DSCAM: variants seen among roughly 807,000 people sequenced by gnomAD.
The protein encoded by DSCAM is cell adhesion molecule DSCAM.
Under a neutral mutation model 217.7 loss-of-function variants are expected in DSCAM, and 47 were observed. The observed-to-expected ratio is 0.22, with a 90% CI of 0.17 to 0.28. The LOEUF is 0.28. DSCAM is among the 10% of genes least tolerant of loss of function. The pLI is 1.00. For missense variants in DSCAM, 2,080 were observed against 2,618.3 expected (o/e 0.79, Z 4.49); for synonymous variants, 1,056 against 1,015.3 (o/e 1.04, Z -0.76).
chr21:40,586,681 G>T (rs1306848201), intron 3 of DSCAM, among the ~76,000 whole-genome samples: 2 of 152,178 alleles, frequency 1.3e-5, no homozygotes, highest in Non-Finnish European at 2.9e-5. Context: ...TGACATTGCT[G>T]TATATATTTC....
At chr21:40,585,103 G>A (rs1241334261) in intron 3 of DSCAM, among the ~76,000 whole-genome samples, 3 of 151,850 alleles carry the variant, frequency 2.0e-5, no homozygotes, top group Non-Finnish European at 2.9e-5. Flanking sequence ...AGCTTCCTGA[G>A]GGCTCACCAG....
chr21:40,527,849 C>A (rs1013537369), intron 3 of DSCAM, among the ~76,000 whole-genome samples: 1 of 152,160 alleles, frequency 6.6e-6, no homozygotes, highest in African/African-American at 2.4e-5. Flanking sequence ...AATCCTGAGA[C>A]AGAAACCCTG....
intron 8 of DSCAM, among the ~76,000 whole-genome samples, chr21:40,325,597 GGAA>G (rs1426278747): frequency 6.6e-6 from 1 of 152,144 alleles, no homozygotes; most frequent in Non-Finnish European, 1.5e-5. Context: ...CAGCAAAGCA[GGAA>G]GAAGTAGCAG....
At chr21:40,358,702 A>C (rs138998594) in intron 4 of DSCAM, among the ~76,000 whole-genome samples, 1 of 151,714 alleles carries the variant, frequency 6.6e-6, no homozygotes, top group African/African-American at 2.4e-5. Flanking sequence ...AGCTACAGGC[A>C]GAGGCAGGAT....
At chr21:40,315,390 C>T (rs149078589) in intron 8 of DSCAM, among the ~76,000 whole-genome samples, 1,600 of 147,940 alleles carry the variant, frequency 0.011, 29 homozygotes, top group African/African-American at 0.038. Flanking sequence ...GGAGACAGAG[C>T]GAAACTCCGT....
At chr21:40,394,619 T>C (rs902663666) in intron 3 of DSCAM, among the ~76,000 whole-genome samples, 3 of 152,198 alleles carry the variant, frequency 2.0e-5, no homozygotes, top group Admixed American at 6.5e-5. Context: ...AAATGCAATA[T>C]TGAGCCACAC....
At chr21:40,174,891 G>A in intron 15 of DSCAM, among the ~76,000 whole-genome samples, 1 of 152,260 alleles carries the variant, frequency 6.6e-6, no homozygotes. Flanking sequence ...ATCAGGATGC[G>A]GGGAGGGCAC....
At chr21:40,631,042 C>T (rs1393162722) in intron 3 of DSCAM, among the ~76,000 whole-genome samples, 1 of 152,176 alleles carries the variant, frequency 6.6e-6, no homozygotes, top group Admixed American at 6.5e-5. Context: ...TCTCCCTGTG[C>T]TTTTCAGCAG....
intron 1 of DSCAM, among the ~76,000 whole-genome samples, chr21:40,743,477 T>C (rs1051518335): frequency 6.6e-6 from 1 of 152,146 alleles, no homozygotes; most frequent in Admixed American, 6.6e-5. Flanking sequence ...CTCCATAAAT[T>C]ATATTTTTCT....
At chr21:40,027,431 T>C (rs2088413726) in intron 32 of DSCAM, among the ~76,000 whole-genome samples, 1 of 151,284 alleles carries the variant, frequency 6.6e-6, no homozygotes, top group Non-Finnish European at 1.5e-5. Context: ...CCTGCCTTGC[T>C]AGATTGGGGA....
rs71186946 is a variant in DSCAM at position 40,585,419 on chromosome 21, C to CAAAAA, written c.508+107386_508+107390dup. Among the ~76,000 whole-genome samples the CAAAAA allele has an allele frequency of 8.6e-3, 745 of 86,594 alleles. 32 individuals are homozygous for CAAAAA. Among genetic ancestry groups the CAAAAA allele is most frequent in the African/African-American group, 0.029 (708 of 24,736 alleles). The allele number at this position is 86,594 out of a possible 152,430, so 56.8% of individuals were successfully genotyped here. ...TGGGCGACAGAGCAAGACTCCGTCT[C>CAAAAA]AAAAAAAAAAAAAAAAAAAAAAAAG... On this transcript the variant is annotated intron_variant, in intron 3 of 32. Coordinates refer to ENST00000400454, the MANE Select transcript of DSCAM (RefSeq NM_001389.5).
intron 3 of DSCAM, among the ~76,000 whole-genome samples, chr21:40,678,614 C>T (rs1365593358): frequency 6.6e-6 from 1 of 152,100 alleles, no homozygotes; most frequent in Non-Finnish European, 1.5e-5. Flanking sequence ...CAGTATCCAG[C>T]TCAAAAAGAC....
Position 40,347,661 on chromosome 21 carries a change from C to A in DSCAM, c.1210+9G>T, listed in dbSNP as rs1051079944. On this transcript the variant is annotated intron_variant, in intron 6 of 32. Transcript: ENST00000400454. ...TTTTCAGCCATACCCTGAAACGAGG[C>A]CCACTGACCTTCAAGGACCACCTGC... 8.7e-6 allele frequency: 14 copies of A among 1,612,888 alleles called. No homozygotes were observed. The highest frequency in any genetic ancestry group is 1.2e-5 in the Non-Finnish European group (14 of 1,179,694).
At position 40,411,171 on chromosome 21, in the gene DSCAM, TATATAC is replaced by T. The variant is rs1239502377; in HGVS notation, c.509-41932_509-41927del. On this transcript the variant is annotated intron_variant, in intron 3 of 32. Coordinates refer to ENST00000400454, the MANE Select transcript of DSCAM (RefSeq NM_001389.5). ...ATATTACTTGAAGATAGACAGTAAT[TATATAC>T]ACACACACACACACACACACACACA... 3.9e-4 allele frequency among the ~76,000 whole-genome samples: 13 copies of T among 33,402 alleles called. 1 individual carries two copies. The highest frequency in any genetic ancestry group is 9.7e-4 in the South Asian group (1 of 1,032). 21.9% of individuals were successfully genotyped at this position (33,402 alleles called of 152,430 possible).
At chr21:40,337,957 C>T (rs2074445187) in intron 8 of DSCAM, 144 bp downstream of exon 8, 5 of 1,057,502 alleles carry the variant, frequency 4.7e-6, no homozygotes, top group South Asian at 1.6e-5. Context: ...AAGAGGACAT[C>T]TCATGTTCCC....
intron 3 of DSCAM, among the ~76,000 whole-genome samples, chr21:40,450,187 T>C (rs2075707254): frequency 6.6e-6 from 1 of 152,164 alleles, no homozygotes; most frequent in South Asian, 2.1e-4. Flanking sequence ...AATAGCACCT[T>C]TATAAACCAA....
At chr21:40,376,510 C>CTATATATCTTATATA (rs2074955848) in intron 3 of DSCAM, among the ~76,000 whole-genome samples, 1 of 73,116 alleles carries the variant, frequency 1.4e-5, no homozygotes, top group South Asian at 4.4e-4. Flanking sequence ...TATCTTATAT[C>CTATATATCTTATATA]GATATCTATA....
At chr21:40,142,728 G>T in intron 17 of DSCAM, 24 bp from the exon 18 acceptor site, 2 of 1,607,252 alleles carry the variant, frequency 1.2e-6, no homozygotes, top group Non-Finnish European at 1.7e-6. Flanking sequence ...ATTAGAATCT[G>T]TAATAACTGT....
chr21:40,362,710 T>G (rs977226712), intron 4 of DSCAM, among the ~76,000 whole-genome samples: 3 of 152,224 alleles, frequency 2.0e-5, no homozygotes, highest in Non-Finnish European at 1.5e-5. Context: ...TAGTGGTTGT[T>G]GTCTTTAATC....
Sources: gnomAD v4.1 joint callset for allele counts (sites outside exome capture counted in the v4.1 genomes callset) on GRCh38, gnomAD v4.1.1 for gene constraint, MANE v1.5 for transcripts, NCBI Gene and HGNC (gene_info 2026-07-23, HGNC 2026-07-21) for gene names.